Variants in GRM5 observed in about 807,000 individuals in gnomAD.
GRM5 encodes glutamate metabotropic receptor 5.
Under a neutral mutation model 83.1 loss-of-function variants are expected in GRM5, and 19 were observed. The ratio of observed to expected loss-of-function variants is 0.23; its 90% CI spans 0.16 to 0.34. GRM5 has a LOEUF of 0.34. Ranked by LOEUF, GRM5 falls within the 10% of genes least tolerant of loss-of-function variation. The probability of loss-of-function intolerance (pLI) is 1.00; values close to 1 mark genes in which losing one functional copy is unlikely to be tolerated. For synonymous variants in GRM5, 675 were observed against 633.6 expected (o/e 1.07, Z -0.98); for missense variants, 1,160 against 1,588.3 (o/e 0.73, Z 4.58).
intron 3 of GRM5, among the ~76,000 whole-genome samples, chr11:88,667,620 G>T (rs565728320): frequency 1.6e-4 from 25 of 152,202 alleles, no homozygotes; most frequent in African/African-American, 4.1e-4. Context: ...TAGGCCAGGC[G>T]CAGTGGCTCA....
At chr11:88,707,512 C>T (rs987150377) in intron 3 of GRM5, among the ~76,000 whole-genome samples, 1 of 152,058 alleles carries the variant, frequency 6.6e-6, no homozygotes, top group Non-Finnish European at 1.5e-5. Context: ...TTCTATGCCA[C>T]AGGGCCTCCA....
chr11:89,035,089 T>C (rs904767671), intron 2 of GRM5, among the ~76,000 whole-genome samples: 12 of 151,692 alleles, frequency 7.9e-5, no homozygotes, highest in Admixed American at 7.9e-4. Flanking sequence ...AATGAATGTA[T>C]TGAGAATTGA....
intron 3 of GRM5, among the ~76,000 whole-genome samples, chr11:88,826,871 C>T (rs896821475): frequency 6.6e-6 from 1 of 152,080 alleles, no homozygotes; most frequent in Admixed American, 6.6e-5. Context: ...TGTTTTGCTA[C>T]ATAATCCAGC....
At chr11:88,950,351 A>AGTGTGTGTGTGTGTGTGTGTGTGTGTGT (rs55646353) in intron 2 of GRM5, among the ~76,000 whole-genome samples, 1 of 147,394 alleles carries the variant, frequency 6.8e-6, no homozygotes, top group African/African-American at 2.5e-5. Context: ...TTGTGAGATA[A>AGTGTGTGTGTGTGTGTGTGTGTGTGTGT]GTGTGTGTGT....
At chr11:88,646,018 G>A (rs1373176085) in intron 4 of GRM5, among the ~76,000 whole-genome samples, 1 of 152,028 alleles carries the variant, frequency 6.6e-6, no homozygotes, top group Non-Finnish European at 1.5e-5. Context: ...TTATAATGAA[G>A]TTAATTTTAG....
chr11:88,724,656 C>A lies in GRM5; in HGVS notation c.912-71253G>T, dbSNP rs116245599. Among the ~76,000 whole-genome samples, 599 of 152,230 alleles carry A rather than the reference C, an allele frequency of 3.9e-3. 1 individual carries two copies. Among genetic ancestry groups the A allele is most frequent in the African/African-American group, 0.013 (560 of 41,554 alleles). On this transcript the variant is annotated intron_variant, in intron 3 of 9. Transcript: ENST00000305447. ...TACAAACAGCTCCAGTCTGCAGCTC[C>A]CAGTGAGATCAATGCAGGTGGGTGA...
intron 9 of GRM5, among the ~76,000 whole-genome samples, chr11:88,519,443 A>G (rs1482098334): frequency 6.6e-6 from 1 of 152,030 alleles, no homozygotes; most frequent in East Asian, 1.9e-4. Flanking sequence ...TGGGTGGCTG[A>G]TAACATAGTG....
intron 4 of GRM5, among the ~76,000 whole-genome samples, chr11:88,615,870 A>G (rs1056560794): frequency 5.3e-5 from 8 of 152,106 alleles, no homozygotes; most frequent in South Asian, 2.1e-4. Context: ...CACTCCCTCC[A>G]TAACTCCACA....
intron 3 of GRM5, among the ~76,000 whole-genome samples, chr11:88,718,014 T>C (rs1941438637): frequency 6.6e-6 from 1 of 151,912 alleles, no homozygotes; most frequent in East Asian, 1.9e-4. Flanking sequence ...CTTTTGCTTA[T>C]AATTTTGACA....
intron 3 of GRM5, among the ~76,000 whole-genome samples, chr11:88,725,087 C>A (rs1941644163): frequency 6.6e-6 from 1 of 152,114 alleles, no homozygotes; most frequent in Non-Finnish European, 1.5e-5. Context: ...AGCCAGGGAG[C>A]CAAGTGGATC....
intron 2 of GRM5, among the ~76,000 whole-genome samples, chr11:88,875,569 C>T (rs12785388): frequency 6.6e-6 from 1 of 151,990 alleles, no homozygotes; most frequent in Admixed American, 6.6e-5. Flanking sequence ...AATCCTTTCC[C>T]AGAGATTTTC....
intron 2 of GRM5, among the ~76,000 whole-genome samples, chr11:88,990,582 T>G (rs1220328092): frequency 6.7e-6 from 1 of 149,640 alleles, no homozygotes; most frequent in Non-Finnish European, 1.5e-5. Context: ...TAGACCAATA[T>G]CCTTGATGAA....
chr11:88,736,630 G>A (rs1416642734), intron 3 of GRM5, among the ~76,000 whole-genome samples: 1 of 152,006 alleles, frequency 6.6e-6, no homozygotes, highest in Non-Finnish European at 1.5e-5. Context: ...GTCCTGCTTT[G>A]CTGGCATTTT....
chr11:88,530,215 A>G (rs1440298092), intron 8 of GRM5, among the ~76,000 whole-genome samples: 1 of 152,030 alleles, frequency 6.6e-6, no homozygotes, highest in African/African-American at 2.4e-5. Flanking sequence ...CTGGAAAAAA[A>G]ATCTGCTGAG....
intron 3 of GRM5, among the ~76,000 whole-genome samples, chr11:88,789,266 T>A (rs1026594122): frequency 6.6e-6 from 1 of 151,928 alleles, no homozygotes; most frequent in Non-Finnish European, 1.5e-5. Flanking sequence ...AAGTAGAGGA[T>A]AATACCTTTA....
intron 3 of GRM5, among the ~76,000 whole-genome samples, chr11:88,783,159 A>C (rs1943004913): frequency 2.0e-5 from 3 of 152,116 alleles, no homozygotes; most frequent in African/African-American, 7.2e-5. Context: ...GGGAGAGAAA[A>C]CATTTTCCCA....
intron 3 of GRM5, among the ~76,000 whole-genome samples, chr11:88,833,571 A>G (rs1486650651): frequency 1.3e-5 from 2 of 152,210 alleles, no homozygotes; most frequent in Non-Finnish European, 2.9e-5. Flanking sequence ...GGTTTCTCAA[A>G]AAAGAAAAAA....
intron 3 of GRM5, among the ~76,000 whole-genome samples, chr11:88,756,728 T>C (rs1032613601): frequency 3.9e-5 from 6 of 152,052 alleles, no homozygotes; most frequent in African/African-American, 1.2e-4. Context: ...ACAATGGAAA[T>C]TATTGAGTCT....
At chr11:88,598,881 C>T (rs192802460) in intron 5 of GRM5, among the ~76,000 whole-genome samples, 1 of 152,274 alleles carries the variant, frequency 6.6e-6, no homozygotes, top group Non-Finnish European at 1.5e-5. Context: ...TCTAGCAATT[C>T]TTAAGTCTGA....
Sources: allele counts gnomAD v4.1 joint callset (sites outside exome capture counted in the v4.1 genomes callset), GRCh38; gene constraint gnomAD v4.1.1; transcripts MANE v1.5; gene names NCBI Gene and HGNC (gene_info 2026-07-23, HGNC 2026-07-21).